AP3B2: variants seen among roughly 807,000 people sequenced by gnomAD.
AP3B2 encodes the protein AP-3 complex subunit beta-2.
A neutral mutation model predicts 126.9 loss-of-function variants in AP3B2; 50 were observed. The observed-to-expected ratio is 0.39, with a 90% confidence interval of 0.31 to 0.50. The LOEUF is 0.50. AP3B2 is among the 20% of genes least tolerant of loss of function. The probability of loss-of-function intolerance (pLI) is 0.79; values close to 1 mark genes in which losing one functional copy is unlikely to be tolerated. For synonymous variants in AP3B2, 541 were observed against 565.0 expected, an observed-to-expected ratio of 0.96 and a Z score of 0.60; for missense variants, 1,177 against 1,426.4, an observed-to-expected ratio of 0.83 and a Z score of 2.82.
At chr15:82,694,234 G>C (rs181974274) in intron 1 of AP3B2, among the ~76,000 whole-genome samples, 1 of 148,964 alleles carries the variant, frequency 6.7e-6, no homozygotes, top group East Asian at 2.0e-4. Flanking sequence ...CAAACTCCTG[G>C]ACTCAAGTGA....
chr15:82,692,036 C>G, intron 1 of AP3B2: 1 of 1,478,744 alleles, frequency 6.8e-7, no homozygotes, highest in Non-Finnish European at 9.4e-7. Flanking sequence ...TGAGGAAGTC[C>G]TGAAACAAGA....
At chr15:82,701,228 T>C (rs552484872) in intron 1 of AP3B2, among the ~76,000 whole-genome samples, 2 of 152,188 alleles carry the variant, frequency 1.3e-5, no homozygotes, top group East Asian at 3.9e-4. Context: ...TCCTCCCTGC[T>C]CCCAGGCTAG....
At chr15:82,687,198 AC>A (rs1159355835) in intron 4 of AP3B2, 2 of 152,204 alleles carry the variant, frequency 1.3e-5, no homozygotes, top group East Asian at 3.8e-4. Flanking sequence ...CTGGCATGCT[AC>A]AGCCCTTGGA....
rs962039367 is a variant in AP3B2, at chr15:82,692,254, T to G, written c.114-2801A>C. The G allele has an allele frequency of 5.4e-6, 5 of 919,300 alleles. No homozygotes were observed. In the African/African-American group the frequency reaches 6.8e-5, roughly 13 times the overall value. 56.9% of individuals were successfully genotyped at this position (919,300 alleles called of 1,614,324 possible). On this transcript the variant is annotated intron_variant, in intron 1 of 26. Coordinates refer to ENST00000535359, the MANE Select transcript of AP3B2 (RefSeq NM_001278512.2). ...ACAAGGCAGTGCCCATTCTTAAGCT[T>G]GATCTTGCGGATCCGGCCGTACTTG...
intron 10 of AP3B2, 117 bp downstream of exon 10, chr15:82,679,612 G>C (rs1208851693): frequency 1.1e-6 from 1 of 948,862 alleles, no homozygotes; most frequent in East Asian, 2.5e-5. Context: ...GCAGTCATGG[G>C]CTCCTGGGCT....
Position 82,665,719 on chromosome 15 carries a change from C to G in AP3B2, c.1853-144G>C, listed in dbSNP as rs568537428. 2 of 646,078 alleles carry G rather than the reference C, an allele frequency of 3.1e-6. No homozygotes were observed. Among genetic ancestry groups the G allele is most frequent in the Non-Finnish European group, 5.5e-6 (2 of 363,610 alleles). The allele number at this position is 646,078 out of a possible 1,614,324, so 40.0% of individuals were successfully genotyped here. A position where few individuals can be genotyped will look rare whatever the true frequency, so the allele number is the denominator to read the frequency against. Reference sequence around the variant, plus strand: ...GAGATGGATGTGTGCCCTAATGGCTCTTCCACCCTGACTGCACCTTTAGGC... The same window carrying G: ...GAGATGGATGTGTGCCCTAATGGCTGTTCCACCCTGACTGCACCTTTAGGC... On this transcript the variant is annotated intron_variant, in intron 15 of 26. Coordinates refer to ENST00000535359, the MANE Select transcript of AP3B2 (RefSeq NM_001278512.2). This position sits in a 1 kb window ranked among gnomAD's most constrained non-coding sequence, Gnocchi z 4.4.
rs745583793 is a variant in AP3B2, at chr15:82,664,369, C to T, written c.2259G>A (p.Glu753=). The change falls in exon 19 of 27, where the codon GAG becomes GAA. Residue 753 remains glutamate, a splice_region_variant and synonymous_variant. Coordinates refer to ENST00000535359, the MANE Select transcript of AP3B2 (RefSeq NM_001278512.2). This position sits in a 1 kb window ranked among gnomAD's most constrained non-coding sequence, Gnocchi z 4.5. ...DEDEEKGRGS[E]SEQSEEDGKR... The stretch of plus-strand genomic sequence containing the variant: ...CATCTGGCTAGCTCCCTTCTCACCT[C>T]TCACTGCCTCTCCCTTTCTCCTCAT... 3 of 1,613,922 alleles carry T rather than the reference C, an allele frequency of 1.9e-6. No homozygotes were observed. In the South Asian group the frequency reaches 3.3e-5, roughly 18 times the overall value.
intron 14 of AP3B2, among the ~76,000 whole-genome samples, chr15:82,669,416 A>G (rs2048111672): frequency 6.6e-6 from 1 of 152,230 alleles, no homozygotes; most frequent in African/African-American, 2.4e-5. Context: ...AGCATTGGCC[A>G]GGTGCGGTGG....
intron 10 of AP3B2, among the ~76,000 whole-genome samples, chr15:82,679,108 C>A (rs1018839194): frequency 3.3e-5 from 5 of 152,084 alleles, no homozygotes; most frequent in Non-Finnish European, 5.9e-5. Flanking sequence ...GGGGCAGTTA[C>A]CTCCCAGAGT....
intron 1 of AP3B2, among the ~76,000 whole-genome samples, chr15:82,703,720 C>T (rs28881874): frequency 0.011 from 1,733 of 151,028 alleles, 29 homozygotes; most frequent in African/African-American, 0.04. Flanking sequence ...TTTTACACAT[C>T]GGTCCCTCCC....
Position 82,664,370 on chromosome 15 carries a change from T to C in AP3B2, c.2258A>G (p.Glu753Gly). 1 of 1,613,830 alleles carries C rather than the reference T, an allele frequency of 6.2e-7. No individual in the cohort carries two copies. The highest frequency in any genetic ancestry group is 1.1e-5 in the South Asian group (1 of 91,080). The change falls in exon 19 of 27, where the codon GAG (glutamate) becomes GGG (glycine). Residue 753 changes from glutamate (E) to glycine (G), a missense_variant. By Grantham distance (98) the Glu-to-Gly change is moderately conservative (BLOSUM62 -2). Coordinates refer to ENST00000535359, the MANE Select transcript of AP3B2 (RefSeq NM_001278512.2). The surrounding 1 kb of genome is among the most constrained non-coding windows in gnomAD (Gnocchi z 4.5). Reference sequence around the variant, plus strand: ...ATCTGGCTAGCTCCCTTCTCACCTCTCACTGCCTCTCCCTTTCTCCTCATC... The same window carrying C: ...ATCTGGCTAGCTCCCTTCTCACCTCCCACTGCCTCTCCCTTTCTCCTCATC... Reference protein sequence around the residue: ...DEDEEKGRGSESEQSEEDGKR... With the variant: ...DEDEEKGRGSGSEQSEEDGKR...
chr15:82,663,449 C>G, intron 21 of AP3B2, 111 bp downstream of exon 21: 1 of 1,265,610 alleles, frequency 7.9e-7, no homozygotes, highest in African/African-American at 1.5e-5. Context: ...GTTCTGTCTG[C>G]TCCCCTGCTC....
chr15:82,704,368 G>A (rs1349762032), intron 1 of AP3B2, among the ~76,000 whole-genome samples: 1 of 152,120 alleles, frequency 6.6e-6, no homozygotes, highest in Non-Finnish European at 1.5e-5. Flanking sequence ...CAATAATAGA[G>A]TAAAGGCAGC....
At chr15:82,704,492 T>C (rs1455616194) in intron 1 of AP3B2, among the ~76,000 whole-genome samples, 1 of 152,236 alleles carries the variant, frequency 6.6e-6, no homozygotes, top group Non-Finnish European at 1.5e-5. Flanking sequence ...CAGTCAAGCA[T>C]TCCTACAGGA....
At chr15:82,698,637 C>T (rs1172581258) in intron 1 of AP3B2, among the ~76,000 whole-genome samples, 2 of 152,070 alleles carry the variant, frequency 1.3e-5, no homozygotes, top group Admixed American at 1.3e-4. Flanking sequence ...CAAATATATC[C>T]AGCCCCAAGG....
At position 82,680,026 on chromosome 15, in the gene AP3B2, T is replaced by G; in HGVS notation, c.1110+149A>C. On this transcript the variant is annotated intron_variant, in intron 9 of 26. Transcript: ENST00000535359. The surrounding 1 kb of genome is among the most constrained non-coding windows in gnomAD (Gnocchi z 6.1). The stretch of plus-strand genomic sequence containing the variant: ...ATCCAGGCCCTGCTCCCTATCTGTA[T>G]TTGGAGCCTCCCCTGCCCCATCCTC... 8.4e-7 allele frequency: 1 copy of G among 1,192,244 alleles called. No homozygotes were observed. Among genetic ancestry groups the G allele is most frequent in the Non-Finnish European group, 1.2e-6 (1 of 846,318 alleles). The allele number at this position is 1,192,244 out of a possible 1,614,324, so 73.9% of individuals were successfully genotyped here. A position where few individuals can be genotyped will look rare whatever the true frequency, so the allele number is the denominator to read the frequency against.
Position 82,663,589 on chromosome 15 carries a change from T to C in AP3B2, c.2468A>G (p.Lys823Arg), listed in dbSNP as rs779531557. ...PPSSKSAPAT[K>R]EISLLDLEDF... ...CTCTAGATCAAGCAGGGAGATCTCC[T>C]TGGTTGCAGGAGCACTTTTGCTGCT... The change falls in exon 21 of 27, where the codon AAG (lysine) becomes AGG (arginine). Residue 823 changes from lysine (K) to arginine (R), a missense_variant. Lys to Arg is a conservative substitution (Grantham distance 26). Around this residue, in one of 5 missense-constraint regions of AP3B2, gnomAD observed 587 missense variants for 571.3 expected, o/e 1.03. Transcript: ENST00000535359. 4 of 1,613,870 alleles carry C rather than the reference T, an allele frequency of 2.5e-6. No individual in the cohort carries two copies. Among genetic ancestry groups the C allele is most frequent in the Non-Finnish European group, 3.4e-6 (4 of 1,179,836 alleles).
rs974521104 is a variant in AP3B2, at chr15:82,679,649, G to C, written c.1182+80C>G. 2.3e-6 allele frequency: 3 copies of C among 1,326,134 alleles called. No homozygotes were observed. The Admixed American group carries it at 5.2e-5, about 23-fold the overall frequency. The allele number at this position is 1,326,134 out of a possible 1,614,324, so 82.1% of individuals were successfully genotyped here. A position where few individuals can be genotyped will look rare whatever the true frequency, so the allele number is the denominator to read the frequency against. ...AGCCCCAGGAATAGGCAGGCACCAG[G>C]GGGGCCACTGTGAGTTATTTGAGTG... On this transcript the variant is annotated intron_variant, in intron 10 of 26. Coordinates refer to ENST00000535359, the MANE Select transcript of AP3B2 (RefSeq NM_001278512.2).
chr15:82,693,042 C>T (rs1486823344), intron 1 of AP3B2, among the ~76,000 whole-genome samples: 3 of 151,862 alleles, frequency 2.0e-5, no homozygotes. Context: ...AGACAACTCA[C>T]CCTATTGGAC....
Sources: allele counts gnomAD v4.1 joint callset (sites outside exome capture counted in the v4.1 genomes callset), GRCh38; gene constraint gnomAD v4.1.1; regional missense constraint gnomAD v4.1.1; non-coding constraint Gnocchi (gnomAD v3.1); transcripts MANE v1.5; gene names NCBI Gene and HGNC (gene_info 2026-07-23, HGNC 2026-07-21).